Variants in RHOBTB1 observed in about 807,000 individuals in gnomAD.
The protein encoded by RHOBTB1 is Rho related BTB domain containing 1.
Under a neutral mutation model 71.6 loss-of-function variants are expected in RHOBTB1, and 40 were observed. The ratio of observed to expected loss-of-function variants is 0.56; its 90% CI spans 0.43 to 0.73. The LOEUF is 0.73. Among genes scored for constraint, RHOBTB1 ranks in the 30% least tolerant of loss-of-function variants. RHOBTB1 has a pLI of 0.00. For missense variants in RHOBTB1, 797 were observed against 894.0 expected, an observed-to-expected ratio of 0.89 and a Z score of 1.38; for synonymous variants, 319 against 334.9, an observed-to-expected ratio of 0.95 and a Z score of 0.52.
chr10:60,874,320 A>G (rs2080940727), intron 9 of RHOBTB1, among the ~76,000 whole-genome samples: 1 of 152,214 alleles, frequency 6.6e-6, no homozygotes, highest in African/African-American at 2.4e-5. Context: ...GCTCTTGAAC[A>G]TTCTCTCCCA....
At chr10:60,956,779 T>G (rs890641396) in intron 2 of RHOBTB1, among the ~76,000 whole-genome samples, 1 of 152,040 alleles carries the variant, frequency 6.6e-6, no homozygotes, top group Admixed American at 6.5e-5. Context: ...CTGGAAAATG[T>G]TATTATCAAA....
chr10:60,869,203 T>C (rs1297106405), downstream of RHOBTB1, among the ~76,000 whole-genome samples: 1 of 152,222 alleles, frequency 6.6e-6, no homozygotes, highest in African/African-American at 2.4e-5. Context: ...GTACTATGTC[T>C]AGTGACATAC....
At chr10:60,865,962 G>T (rs773153295), downstream of RHOBTB1, among the ~76,000 whole-genome samples, 10 of 152,138 alleles carry the variant, frequency 6.6e-5, no homozygotes, top group Non-Finnish European at 1.5e-4. Context: ...CTCCTGAGTA[G>T]CTGGGATTAC....
intron 2 of RHOBTB1, among the ~76,000 whole-genome samples, chr10:60,916,058 G>T (rs2083255612): frequency 6.6e-6 from 1 of 152,134 alleles, no homozygotes; most frequent in African/African-American, 2.4e-5. Flanking sequence ...ATGAAATAAG[G>T]CCACGGCAGC....
intron 2 of RHOBTB1, among the ~76,000 whole-genome samples, chr10:60,957,955 A>G (rs1312199094): frequency 6.6e-6 from 1 of 152,182 alleles, no homozygotes; most frequent in African/African-American, 2.4e-5. Context: ...CACAACCATA[A>G]TACAATATTA....
At chr10:60,906,609 G>A (rs945983159) in intron 4 of RHOBTB1, among the ~76,000 whole-genome samples, 11 of 152,144 alleles carry the variant, frequency 7.2e-5, no homozygotes, top group African/African-American at 1.7e-4. Flanking sequence ...TTCTCCAACC[G>A]TGAAATGAGC....
chr10:60,869,117 T>C (rs1030839806), downstream of RHOBTB1, among the ~76,000 whole-genome samples: 3 of 152,230 alleles, frequency 2.0e-5, no homozygotes, highest in Non-Finnish European at 4.4e-5. Context: ...TGGCAGAAAT[T>C]ATCCAAACCC....
chr10:60,922,464 C>T (rs139094830), intron 2 of RHOBTB1, among the ~76,000 whole-genome samples: 2 of 152,262 alleles, frequency 1.3e-5, no homozygotes, highest in Middle Eastern at 3.4e-3. Flanking sequence ...TAACCACATA[C>T]CAGAAACTGG....
intron 4 of RHOBTB1, among the ~76,000 whole-genome samples, chr10:60,909,529 A>T (rs1242265653): frequency 1.3e-5 from 2 of 152,186 alleles, no homozygotes; most frequent in African/African-American, 4.8e-5. Flanking sequence ...TACACTGCCT[A>T]AAGTCATCAA....
intron 2 of RHOBTB1, among the ~76,000 whole-genome samples, chr10:60,930,136 G>A (rs1191263608): frequency 6.6e-6 from 1 of 152,004 alleles, no homozygotes; most frequent in East Asian, 1.9e-4. Context: ...TTTATAAATG[G>A]GAAATGTTTT....
Position 60,872,203 on chromosome 10 carries a change from T to C in RHOBTB1, c.1903A>G (p.Ile635Val). 6.2e-7 allele frequency: 1 copy of C among 1,613,872 alleles called. No homozygotes were observed. Among genetic ancestry groups the C allele is most frequent in the Admixed American group, 1.7e-5 (1 of 60,028 alleles). Residue 635 changes from isoleucine to valine, a missense_variant, in exon 10 of 11, where the codon ATC becomes GTC. By Grantham distance (29) the Ile-to-Val change is conservative. This residue lies in a region of RHOBTB1 where 658 missense variants were observed against 681.5 expected (regional missense o/e 0.97). Transcript: ENST00000337910. Reference sequence around the variant, plus strand: ...GTCTCACCTGCAGATTTTGATTTGATTTCCTTACGGAACTTGGAGCATACA... The same window carrying C: ...GTCTCACCTGCAGATTTTGATTTGACTTCCTTACGGAACTTGGAGCATACA... ...NSVCSKFRKE[I>V]KSKSADNQEY...
At chr10:60,874,749 G>A (rs1044116656) in intron 9 of RHOBTB1, among the ~76,000 whole-genome samples, 1 of 152,128 alleles carries the variant, frequency 6.6e-6, no homozygotes, top group Non-Finnish European at 1.5e-5. Context: ...TGGGGGTGGG[G>A]ACCGTTTTGT....
At chr10:60,981,622 A>T (rs1184776112) in intron 2 of RHOBTB1, among the ~76,000 whole-genome samples, 2 of 152,220 alleles carry the variant, frequency 1.3e-5, no homozygotes, top group African/African-American at 4.8e-5. Context: ...ATAACCAATT[A>T]ATCAAGATCT....
intron 1 of RHOBTB1, among the ~76,000 whole-genome samples, chr10:60,989,203 A>G (rs2086774055): frequency 6.6e-6 from 1 of 150,754 alleles, no homozygotes; most frequent in Non-Finnish European, 1.5e-5. Flanking sequence ...AGAGAAAAAA[A>G]GTAGAAGTTG....
At chr10:60,978,152 T>C (rs1468559378) in intron 2 of RHOBTB1, among the ~76,000 whole-genome samples, 1 of 152,202 alleles carries the variant, frequency 6.6e-6, no homozygotes, top group East Asian at 1.9e-4. Context: ...ATTAAATATA[T>C]ATTTTTGCCT....
intron 2 of RHOBTB1, among the ~76,000 whole-genome samples, chr10:60,963,528 A>C (rs2085857114): frequency 6.6e-6 from 1 of 152,162 alleles, no homozygotes; most frequent in Non-Finnish European, 1.5e-5. Flanking sequence ...TCTGCCTTAG[A>C]AAAATGCATA....
chr10:60,971,459 A>G (rs1487371194), intron 2 of RHOBTB1, among the ~76,000 whole-genome samples: 1 of 151,996 alleles, frequency 6.6e-6, no homozygotes, highest in Non-Finnish European at 1.5e-5. Context: ...ATTCCCTATT[A>G]AAAAAATGCT....
intron 2 of RHOBTB1, among the ~76,000 whole-genome samples, chr10:60,918,934 T>C (rs1303925787): frequency 1.3e-5 from 2 of 152,020 alleles, no homozygotes; most frequent in Non-Finnish European, 2.9e-5. Flanking sequence ...TTAGTAGAGA[T>C]GGGGTTTCTC....
rs1039664182 is a variant in RHOBTB1 at position 60,883,891 on chromosome 10, G to C, written c.1575+2221C>G. Among the ~76,000 whole-genome samples, 12 of 152,196 alleles carry C rather than the reference G, an allele frequency of 7.9e-5. No individual in the cohort carries two copies. In the South Asian group the frequency reaches 1.9e-3, roughly 24 times the overall value. Reference sequence around the variant, plus strand: ...AGTCACTTGTAAGTGGAGGAGTTGAGATTTGAGTCCCACAGTCCTGTAACT... The same window carrying C: ...AGTCACTTGTAAGTGGAGGAGTTGACATTTGAGTCCCACAGTCCTGTAACT... On this transcript the variant is annotated intron_variant, in intron 7 of 10. Transcript: ENST00000337910.
Sources: allele counts gnomAD v4.1 joint callset (sites outside exome capture counted in the v4.1 genomes callset), GRCh38; gene constraint gnomAD v4.1.1; regional missense constraint gnomAD v4.1.1; transcripts MANE v1.5; gene names NCBI Gene and HGNC (gene_info 2026-07-23, HGNC 2026-07-21).